Variants in ANKRD11 observed in about 807,000 individuals in gnomAD.
ANKRD11 encodes the protein ankyrin repeat domain 11, also known as ankyrin repeat domain-containing protein 11.
ANKRD11 carries 17 observed loss-of-function variants against 195.7 expected under a neutral mutation model. That is an observed-to-expected ratio of 0.09 (90% confidence interval 0.06 to 0.13). ANKRD11 has a LOEUF of 0.13. Among genes scored for constraint, ANKRD11 ranks in the 10% least tolerant of loss-of-function variants. The pLI is 1.00. For missense variants in ANKRD11, 3,735 were observed against 3,566.1 expected (o/e 1.05, Z -1.21); for synonymous variants, 1,953 against 1,528.1 (o/e 1.28, Z -6.49).
At chr16:89,316,871 A>T in intron 3 of ANKRD11, 62 bp downstream of exon 3, 1 of 1,574,004 alleles carries the variant, frequency 6.4e-7, no homozygotes, top group Non-Finnish European at 8.7e-7. Context: ...GCAGCACCCC[A>T]TTCCCACCTC....
intron 9 of ANKRD11, 146 bp from the exon 10 acceptor site, chr16:89,275,337 A>G: frequency 1.5e-6 from 1 of 667,962 alleles, no homozygotes; most frequent in South Asian, 1.8e-5. Context: ...AGCAACAGAC[A>G]CACCAGGAAG....
chr16:89,275,250 A>G (rs1224475351), intron 9 of ANKRD11, 59 bp from the exon 10 acceptor site: 26 of 1,470,728 alleles, frequency 1.8e-5, no homozygotes, highest in Non-Finnish European at 2.3e-5. Context: ...CACGAAGGAT[A>G]TAGTCTGGAG....
chr16:89,445,383 G>C (rs1417649281), intron 1 of ANKRD11, among the ~76,000 whole-genome samples: 1 of 152,202 alleles, frequency 6.6e-6, no homozygotes, highest in Admixed American at 6.5e-5. Context: ...TAAACTAAGA[G>C]GTCATCTCCT....
chr16:89,309,724 T>G (rs1187133617), intron 3 of ANKRD11, among the ~76,000 whole-genome samples: 1 of 152,156 alleles, frequency 6.6e-6, no homozygotes, highest in Non-Finnish European at 1.5e-5. Context: ...CCTCTAACCT[T>G]TCCTCACCAG....
At chr16:89,346,348 A>G (rs1222256435) in intron 2 of ANKRD11, among the ~76,000 whole-genome samples, 3 of 152,098 alleles carry the variant, frequency 2.0e-5, no homozygotes, top group Non-Finnish European at 2.9e-5. Context: ...ACAGACAAGG[A>G]GACAACCCTA....
At chr16:89,473,575 A>G (rs1452259120) in intron 1 of ANKRD11, among the ~76,000 whole-genome samples, 1 of 152,208 alleles carries the variant, frequency 6.6e-6, no homozygotes, top group African/African-American at 2.4e-5. Context: ...CTTCCGTTCT[A>G]CAAGTGGGTC....
intron 1 of ANKRD11, among the ~76,000 whole-genome samples, chr16:89,463,475 T>A (rs1027010615): frequency 1.3e-5 from 2 of 152,188 alleles, no homozygotes; most frequent in Admixed American, 1.3e-4. Context: ...GAAGGCAGCA[T>A]ACTCGTTAAG....
Position 89,281,400 on chromosome 16 carries a change from G to C in ANKRD11, c.5142C>G (p.Ser1714Arg). ...PTPTSVLSCPSYEEVMHTPRT... is the reference protein window; with the variant it reads ...PTPTSVLSCPRYEEVMHTPRT... Reference sequence around the variant, plus strand: ...TGGGCGTGTGCATCACCTCCTCGTAGCTGGGGCAGGATAGCACCGACGTAG... The same window carrying C: ...TGGGCGTGTGCATCACCTCCTCGTACCTGGGGCAGGATAGCACCGACGTAG... Residue 1714 changes from serine to arginine, a missense_variant, in exon 9 of 13, where the codon AGC becomes AGG. Transcript: ENST00000301030. This position sits in a 1 kb window ranked among gnomAD's most constrained non-coding sequence, Gnocchi z 5.5. 6.2e-7 allele frequency: 1 copy of C among 1,609,442 alleles called. No homozygotes were observed. Among genetic ancestry groups the C allele is most frequent in the Non-Finnish European group, 8.5e-7 (1 of 1,176,470 alleles).
At position 89,280,427 on chromosome 16, in the gene ANKRD11, C is replaced by T. The variant is rs376679880; in HGVS notation, c.6115G>A (p.Asp2039Asn). 7.4e-5 allele frequency: 117 copies of T among 1,577,966 alleles called. No individual in the cohort carries two copies. The African/African-American group carries it at 1.4e-3, about 18-fold the overall frequency. Reference sequence around the variant, plus strand: ...GCGGCGGGGACGGCGTCCACTCCGTCCTTGACGTCCTCCAGCCCCGGCTCA... The same window carrying T: ...GCGGCGGGGACGGCGTCCACTCCGTTCTTGACGTCCTCCAGCCCCGGCTCA... Reference protein sequence around the residue: ...VAEPGLEDVKDGVDAVPAAIS... With the variant: ...VAEPGLEDVKNGVDAVPAAIS... The change falls in exon 9 of 13, where the codon GAC becomes AAC. Residue 2039 changes from aspartate (D) to asparagine (N), a missense_variant. Asp to Asn is a conservative substitution (Grantham distance 23, BLOSUM62 1). Coordinates refer to ENST00000301030, the MANE Select transcript of ANKRD11 (RefSeq NM_013275.6).
chr16:89,330,629 C>T (rs192755207), intron 2 of ANKRD11, among the ~76,000 whole-genome samples: 79 of 118,472 alleles, frequency 6.7e-4, no homozygotes, highest in African/African-American at 2.6e-3. Context: ...CCTCGTGACA[C>T]GGCAGTAGGT....
chr16:89,442,375 T>C (rs1048699840), intron 1 of ANKRD11, among the ~76,000 whole-genome samples: 1 of 152,340 alleles, frequency 6.6e-6, no homozygotes, highest in East Asian at 1.9e-4. Flanking sequence ...GAAAATGCTT[T>C]TGAATCTGTC....
chr16:89,282,746 T>G lies in ANKRD11; in HGVS notation c.3796A>C (p.Lys1266Gln), dbSNP rs1224432066. The G allele has an allele frequency of 3.1e-6, 5 of 1,613,464 alleles. No homozygotes were observed. Among genetic ancestry groups the G allele is most frequent in the Non-Finnish European group, 4.2e-6 (5 of 1,179,998 alleles). Residue 1266 changes from lysine (K) to glutamine (Q), a missense_variant, in exon 9 of 13, where the codon AAG becomes CAG. Lys to Gln is a moderately conservative substitution (Grantham distance 53). Coordinates refer to ENST00000301030, the MANE Select transcript of ANKRD11 (RefSeq NM_013275.6). ...GCACTTCTCGAGGACTTCCTCTCCT[T>G]GGAATGTTCTTTGTCCGACTTCTCT... ...HKEKSDKEHS[K>Q]ERKSSRSADA...
At chr16:89,289,088 A>C in intron 6 of ANKRD11, 1 of 286,578 alleles carries the variant, frequency 3.5e-6, no homozygotes, top group South Asian at 3.3e-5. Context: ...TGAAGGCTGA[A>C]GAGCTGCTAC....
intron 7 of ANKRD11, 141 bp from the exon 8 acceptor site, chr16:89,286,327 G>C (rs749815866): frequency 8.1e-7 from 1 of 1,227,148 alleles, no homozygotes; most frequent in Non-Finnish European, 1.2e-6. Flanking sequence ...TGTGGGAGCC[G>C]AGCGCCCAGG....
At chr16:89,453,676 C>G (rs1189524163) in intron 1 of ANKRD11, among the ~76,000 whole-genome samples, 2 of 152,286 alleles carry the variant, frequency 1.3e-5, no homozygotes, top group African/African-American at 4.8e-5. Flanking sequence ...TGGGAAAATA[C>G]AAGCACAGGA....
intron 2 of ANKRD11, among the ~76,000 whole-genome samples, chr16:89,386,988 C>T (rs1255990741): frequency 6.6e-6 from 1 of 151,924 alleles, no homozygotes; most frequent in Non-Finnish European, 1.5e-5. Context: ...ACCCTGGGAG[C>T]CCTGTATCGA....
intron 2 of ANKRD11, among the ~76,000 whole-genome samples, chr16:89,348,946 G>A (rs1341180262): frequency 6.7e-6 from 1 of 149,540 alleles, no homozygotes; most frequent in Non-Finnish European, 1.5e-5. Flanking sequence ...TCGTCAACAT[G>A]GTGAAGCCTC....
At chr16:89,398,110 TGGGA>T (rs1298698872) in intron 2 of ANKRD11, among the ~76,000 whole-genome samples, 4 of 150,656 alleles carry the variant, frequency 2.7e-5, no homozygotes, top group African/African-American at 1.0e-4. Flanking sequence ...CTCAGCGCTC[TGGGA>T]GGCTGACAAG....
intron 7 of ANKRD11, chr16:89,288,117 T>C (rs879507140): frequency 2.7e-5 from 16 of 596,778 alleles, no homozygotes; most frequent in Non-Finnish European, 4.8e-5. Flanking sequence ...TATGGTTCTG[T>C]GCACTGGCCA....
Sources: allele counts gnomAD v4.1 joint callset (sites outside exome capture counted in the v4.1 genomes callset), GRCh38; gene constraint gnomAD v4.1.1; non-coding constraint Gnocchi (gnomAD v3.1); transcripts MANE v1.5; gene names NCBI Gene and HGNC (gene_info 2026-07-23, HGNC 2026-07-21).